The following PIEZO2 variants were observed in gnomAD, a reference collection of about 807,000 sequenced individuals.
The protein encoded by PIEZO2 is piezo type mechanosensitive ion channel component 2.
A neutral mutation model predicts 337.3 loss-of-function variants in PIEZO2; 172 were observed. The ratio of observed to expected loss-of-function variants is 0.51; its 90% CI spans 0.45 to 0.58. PIEZO2 has a LOEUF of 0.58. Among genes scored for constraint, PIEZO2 ranks in the 20% least tolerant of loss-of-function variants. The pLI, the probability that PIEZO2 is intolerant of heterozygous loss-of-function variation, is 0.00. For missense variants in PIEZO2, 3,028 were observed against 3,391.3 expected, an observed-to-expected ratio of 0.89 and a Z score of 2.66; for synonymous variants, 1,251 against 1,228.5, an observed-to-expected ratio of 1.02 and a Z score of -0.38.
intron 17 of PIEZO2, among the ~76,000 whole-genome samples, chr18:10,782,401 T>C: frequency 1.1e-5 from 1 of 87,600 alleles, no homozygotes; most frequent in East Asian, 2.6e-4. Flanking sequence ...ATATAAATAA[T>C]TATATAATAT....
intron 32 of PIEZO2, among the ~76,000 whole-genome samples, chr18:10,741,949 C>T (rs1041602222): frequency 6.6e-6 from 1 of 151,708 alleles, no homozygotes; most frequent in Non-Finnish European, 1.5e-5. Context: ...GTCAGGAGAT[C>T]GAGACCATCC....
intron 26 of PIEZO2, among the ~76,000 whole-genome samples, chr18:10,758,568 C>T (rs1352010771): frequency 6.6e-6 from 1 of 152,166 alleles, no homozygotes; most frequent in Non-Finnish European, 1.5e-5. Context: ...GCCTCAGCCT[C>T]CCAAGTAGCT....
Position 10,813,965 on chromosome 18 carries a change from C to T in PIEZO2, c.918-6691G>A, listed in dbSNP as rs1373329889. Among the ~76,000 whole-genome samples the T allele has an allele frequency of 1.3e-5, 2 of 150,870 alleles. No individual in the cohort carries two copies. The highest frequency in any genetic ancestry group is 3.0e-5 in the Non-Finnish European group (2 of 67,674). On this transcript the variant is annotated intron_variant, in intron 7 of 55. Transcript: ENST00000674853. The surrounding 1 kb of genome is among the most constrained non-coding windows in gnomAD (Gnocchi z 4.2). ...ATCCTAATAGGTGTGAGATGGGACA[C>T]CATATATTTTTTTTTTTTTTGAGAT...
chr18:11,015,981 G>A lies in PIEZO2; in HGVS notation c.161-36321C>T, dbSNP rs775263643. On this transcript the variant is annotated intron_variant, in intron 2 of 55. Coordinates refer to ENST00000674853, the MANE Select transcript of PIEZO2 (RefSeq NM_001378183.1). ...CAATTTGCAAATCAACTGCACGTTA[G>A]TGAGAAATAGCTTGGGCAATCCTGG... 2.3e-4 allele frequency among the ~76,000 whole-genome samples: 35 copies of A among 152,132 alleles called. 1 individual carries two copies. Among genetic ancestry groups the A allele is most frequent in the Non-Finnish European group, 4.4e-4 (30 of 68,028 alleles).
In PIEZO2 at chr18:10,886,323, C is replaced by CAT. The variant is rs58335722; in HGVS notation, c.330-14910_330-14909dup. Among the ~76,000 whole-genome samples the CAT allele has an allele frequency of 6.8e-4, 18 of 26,366 alleles. 1 individual carries two copies. Among genetic ancestry groups the CAT allele is most frequent in the Non-Finnish European group, 9.7e-4 (17 of 17,486 alleles). 17.3% of individuals were successfully genotyped at this position (26,366 alleles called of 152,430 possible). Reference sequence around the variant, plus strand: ...CAGATGGTACCAAACCCTATACATACATATATATATATATATATATACACA... The same window carrying CAT: ...CAGATGGTACCAAACCCTATACATACATATATATATATATATATATATACACA... On this transcript the variant is annotated intron_variant, in intron 4 of 55. Transcript: ENST00000674853.
At position 10,855,205 on chromosome 18, in the gene PIEZO2, C is replaced by A; in HGVS notation, c.917+148G>T. Reference sequence around the variant, plus strand: ...CATCCAATACAATGAAAGTGCTAGACTGCTTCACCCACCCCCACAAAATCT... The same window carrying A: ...CATCCAATACAATGAAAGTGCTAGAATGCTTCACCCACCCCCACAAAATCT... On this transcript the variant is annotated intron_variant, in intron 7 of 55. Transcript: ENST00000674853. The surrounding 1 kb of genome is among the most constrained non-coding windows in gnomAD (Gnocchi z 4.9). 1 of 686,538 alleles carries A rather than the reference C, an allele frequency of 1.5e-6. No individual in the cohort carries two copies. Among genetic ancestry groups the A allele is most frequent in the South Asian group, 1.8e-5 (1 of 54,344 alleles). The allele number at this position is 686,538 out of a possible 1,614,324, so 42.5% of individuals were successfully genotyped here.
chr18:11,089,379 G>T (rs543435503), intron 1 of PIEZO2, among the ~76,000 whole-genome samples: 2 of 152,238 alleles, frequency 1.3e-5, no homozygotes, highest in Admixed American at 1.3e-4. Flanking sequence ...CAACAGAAAA[G>T]ATGTAATTGA....
At position 10,759,432 on chromosome 18, in the gene PIEZO2, C is replaced by T. The variant is rs1433021719; in HGVS notation, c.3757+50G>A. On this transcript the variant is annotated intron_variant, in intron 26 of 55. Coordinates refer to ENST00000674853, the MANE Select transcript of PIEZO2 (RefSeq NM_001378183.1). The surrounding 1 kb of genome is among the most constrained non-coding windows in gnomAD (Gnocchi z 5.5). The stretch of plus-strand genomic sequence containing the variant: ...TGCATAGCACGTGAACAATGATTAA[C>T]AGTAAACCCGGATACCAGCACTCTG... 2 of 1,443,526 alleles carry T rather than the reference C, an allele frequency of 1.4e-6. No homozygotes were observed. Among genetic ancestry groups the T allele is most frequent in the African/African-American group, 2.8e-5 (2 of 71,000 alleles). 89.4% of individuals were successfully genotyped at this position (1,443,526 alleles called of 1,614,324 possible). A position where few individuals can be genotyped will look rare whatever the true frequency, so the allele number is the denominator to read the frequency against.
chr18:10,676,103 A>C lies in PIEZO2; in HGVS notation c.8082-815T>G, dbSNP rs1322279156. ...CTAGAGGGGAGTGAGAGGTGAAGAG[A>C]GATGGTGGCCTGGACCTCGAGTGAC... is the stretch of plus-strand genomic sequence containing the variant. On this transcript the variant is annotated intron_variant, in intron 53 of 55. Coordinates refer to ENST00000674853, the MANE Select transcript of PIEZO2 (RefSeq NM_001378183.1). This position sits in a 1 kb window ranked among gnomAD's most constrained non-coding sequence, Gnocchi z 5.1. 1.3e-5 allele frequency among the ~76,000 whole-genome samples: 2 copies of C among 152,182 alleles called. No individual in the cohort carries two copies. Among genetic ancestry groups the C allele is most frequent in the African/African-American group, 4.8e-5 (2 of 41,438 alleles).
At chr18:10,798,304 A>G (rs6505595) in intron 11 of PIEZO2, among the ~76,000 whole-genome samples, 42,569 of 152,190 alleles carry the variant, frequency 0.28, 6,978 homozygotes, top group Middle Eastern at 0.4. Context: ...CAAATGGGCT[A>G]TGTATAGGTG....
At chr18:10,880,240 A>T (rs1331920296) in intron 4 of PIEZO2, among the ~76,000 whole-genome samples, 1 of 152,232 alleles carries the variant, frequency 6.6e-6, no homozygotes, top group Non-Finnish European at 1.5e-5. Context: ...CCATGCCTGA[A>T]TTTGGTCTGA....
intron 3 of PIEZO2, among the ~76,000 whole-genome samples, chr18:10,911,553 G>A (rs1436038124): frequency 9.2e-5 from 14 of 151,908 alleles, no homozygotes; most frequent in African/African-American, 2.9e-4. Context: ...TCAGGAGTTC[G>A]AGACCAGCCT....
chr18:10,893,038 G>A (rs970443736), intron 4 of PIEZO2, among the ~76,000 whole-genome samples: 1 of 152,210 alleles, frequency 6.6e-6, no homozygotes, highest in Non-Finnish European at 1.5e-5. Context: ...GAAAATTTAT[G>A]GCCAGGATAA....
chr18:10,773,297 A>G lies in PIEZO2; in HGVS notation c.2785+115T>C. 9.1e-7 allele frequency: 1 copy of G among 1,095,890 alleles called. No individual in the cohort carries two copies. Among genetic ancestry groups the G allele is most frequent in the Non-Finnish European group, 1.3e-6 (1 of 773,828 alleles). 67.9% of individuals were successfully genotyped at this position (1,095,890 alleles called of 1,614,324 possible). ...TAGCAATCAAACAAAAACCACTCCA[A>G]TTTTTATGTCATGGACTGGGTCAAA... On this transcript the variant is annotated intron_variant, in intron 20 of 55. Coordinates refer to ENST00000674853, the MANE Select transcript of PIEZO2 (RefSeq NM_001378183.1). The surrounding 1 kb of genome is among the most constrained non-coding windows in gnomAD (Gnocchi z 5.3).
At position 11,094,324 on chromosome 18, in the gene PIEZO2, G is replaced by A. The variant is rs764874932; in HGVS notation, c.65-28102C>T. On this transcript the variant is annotated intron_variant, in intron 1 of 55. Coordinates refer to ENST00000674853, the MANE Select transcript of PIEZO2 (RefSeq NM_001378183.1). This position sits in a 1 kb window ranked among gnomAD's most constrained non-coding sequence, Gnocchi z 4.4. ...ATTTTACAAATGGGGAAGCTGAGGC[G>A]AAGTGATTTTCTCAATGTCACACAG... Among the ~76,000 whole-genome samples the A allele has an allele frequency of 1.1e-4, 16 of 152,112 alleles. No homozygotes were observed. Among genetic ancestry groups the A allele is most frequent in the Admixed American group, 3.3e-4 (5 of 15,274 alleles).
intron 1 of PIEZO2, among the ~76,000 whole-genome samples, chr18:11,115,896 A>G (rs2039876486): frequency 6.6e-6 from 1 of 152,218 alleles, no homozygotes; most frequent in Non-Finnish European, 1.5e-5. Flanking sequence ...CTATGAAGAG[A>G]AGCTTTCTTC....
In PIEZO2 at chr18:10,767,656, C is replaced by T. The variant is rs2143941936; in HGVS notation, c.2946+2492G>A. On this transcript the variant is annotated intron_variant, in intron 21 of 55. Coordinates refer to ENST00000674853, the MANE Select transcript of PIEZO2 (RefSeq NM_001378183.1). This position sits in a 1 kb window ranked among gnomAD's most constrained non-coding sequence, Gnocchi z 4.2. Reference sequence around the variant, plus strand: ...GCTCTGGTTACAGGGTGCAGAGTCTCTTTGCTGGGCTCCATGTGTACAAGC... The same window carrying T: ...GCTCTGGTTACAGGGTGCAGAGTCTTTTTGCTGGGCTCCATGTGTACAAGC... Among the ~76,000 whole-genome samples the T allele has an allele frequency of 6.6e-6, 1 of 152,262 alleles. No homozygotes were observed. The highest frequency in any genetic ancestry group is 1.5e-5 in the Non-Finnish European group (1 of 68,008).
In PIEZO2 at chr18:10,933,786, A is replaced by AT. The variant is rs202126875; in HGVS notation, c.287-22559dup. ...TCAAGGTCAGGGCCAGGTGGAGATA[A>AT]TTGAGTCATGCAGGTGGATTCTCCC... is the stretch of plus-strand genomic sequence containing the variant. On this transcript the variant is annotated intron_variant, in intron 3 of 55. Coordinates refer to ENST00000674853, the MANE Select transcript of PIEZO2 (RefSeq NM_001378183.1). Among the ~76,000 whole-genome samples the AT allele has an allele frequency of 8.8e-3, 1,336 of 152,330 alleles. 51 individuals carry two copies. The highest frequency in any genetic ancestry group is 0.07 in the Admixed American group (1,077 of 15,296).
intron 30 of PIEZO2, among the ~76,000 whole-genome samples, chr18:10,747,700 C>T (rs997120705): frequency 1.3e-5 from 2 of 152,178 alleles, no homozygotes; most frequent in Non-Finnish European, 2.9e-5. Context: ...ATAAATGGAC[C>T]TTGGAAATAA....
Sources: gnomAD v4.1 joint callset for allele counts (sites outside exome capture counted in the v4.1 genomes callset) on GRCh38, gnomAD v4.1.1 for gene constraint, Gnocchi (gnomAD v3.1) non-coding constraint, MANE v1.5 for transcripts, NCBI Gene and HGNC (gene_info 2026-07-23, HGNC 2026-07-21) for gene names.